KIRREL3: variants seen among roughly 807,000 people sequenced by gnomAD.
KIRREL3 encodes kirre like nephrin family adhesion molecule 3.
KIRREL3 carries 36 observed loss-of-function variants against 89.7 expected under a neutral mutation model. The ratio of observed to expected loss-of-function variants is 0.40; its 90% CI spans 0.31 to 0.53. The LOEUF (loss-of-function observed/expected upper bound fraction) is 0.53. Among genes scored for constraint, KIRREL3 ranks in the 20% least tolerant of loss-of-function variants. The pLI is 0.49. For missense variants in KIRREL3, 864 were observed against 1,056.6 expected, an observed-to-expected ratio of 0.82 and a Z score of 2.53; for synonymous variants, 445 against 441.4, an observed-to-expected ratio of 1.01 and a Z score of -0.10.
In KIRREL3 at chr11:126,651,249, G is replaced by A. The variant is rs562109116; in HGVS notation, c.56-88337C>T. Among the ~76,000 whole-genome samples the A allele has an allele frequency of 6.6e-6, 1 of 152,338 alleles. No homozygotes were observed. Among genetic ancestry groups the A allele is most frequent in the African/African-American group, 2.4e-5 (1 of 41,580 alleles). On this transcript the variant is annotated intron_variant, in intron 1 of 16. Coordinates refer to ENST00000525144, the MANE Select transcript of KIRREL3 (RefSeq NM_032531.4). The surrounding 1 kb of genome is among the most constrained non-coding windows in gnomAD (Gnocchi z 4.6). ...CAGCTAGACTAAGAAAGTCTTTTGG[G>A]AATTGGTGGGATGGTGCACAGTTTG... is the stretch of plus-strand genomic sequence containing the variant.
At chr11:126,880,738 G>A (rs1476390239) in intron 1 of KIRREL3, among the ~76,000 whole-genome samples, 1 of 150,882 alleles carries the variant, frequency 6.6e-6, no homozygotes, top group Non-Finnish European at 1.5e-5. Context: ...TAAAATCTAA[G>A]TATATTTATG....
intron 1 of KIRREL3, among the ~76,000 whole-genome samples, chr11:126,730,376 C>A (rs1403126699): frequency 6.6e-6 from 1 of 152,250 alleles, no homozygotes; most frequent in Non-Finnish European, 1.5e-5. Context: ...GGCCTCCACC[C>A]TCTCCTCACC....
intron 2 of KIRREL3, among the ~76,000 whole-genome samples, chr11:126,546,866 A>G (rs1425253463): frequency 6.6e-6 from 1 of 152,220 alleles, no homozygotes. Flanking sequence ...GGCTAGCATC[A>G]TGAGTATACC....
chr11:126,632,621 T>A (rs2134889257), intron 1 of KIRREL3, among the ~76,000 whole-genome samples: 1 of 95,342 alleles, frequency 1.0e-5, no homozygotes, highest in East Asian at 3.7e-4. Flanking sequence ...TTCCCCTCTC[T>A]CTACTCTCAG....
intron 7 of KIRREL3, among the ~76,000 whole-genome samples, chr11:126,450,850 A>T (rs1197184809): frequency 2.6e-5 from 3 of 116,020 alleles, no homozygotes; most frequent in African/African-American, 1.0e-4. Flanking sequence ...TAGATGTGTG[A>T]GCATGTGCAC....
intron 1 of KIRREL3, among the ~76,000 whole-genome samples, chr11:126,728,998 C>G (rs1948504648): frequency 6.6e-6 from 1 of 152,170 alleles, no homozygotes; most frequent in South Asian, 2.1e-4. Context: ...GCTGAGGAGA[C>G]CTTGAGGAGG....
Position 126,723,980 on chromosome 11 carries a change from C to G in KIRREL3, c.56-161068G>C, listed in dbSNP as rs545197075. Reference sequence around the variant, plus strand: ...AATGATCTGATTGCTTTCATAAGCTCCATGATGATTAAAAGAAGTGTAGGC... The same window carrying G: ...AATGATCTGATTGCTTTCATAAGCTGCATGATGATTAAAAGAAGTGTAGGC... On this transcript the variant is annotated intron_variant, in intron 1 of 16. Coordinates refer to ENST00000525144, the MANE Select transcript of KIRREL3 (RefSeq NM_032531.4). The surrounding 1 kb of genome is among the most constrained non-coding windows in gnomAD (Gnocchi z 4.0). Among the ~76,000 whole-genome samples the G allele has an allele frequency of 7.2e-5, 11 of 152,254 alleles. No homozygotes were observed. Among genetic ancestry groups the G allele is most frequent in the African/African-American group, 2.4e-4 (10 of 41,544 alleles).
intron 1 of KIRREL3, among the ~76,000 whole-genome samples, chr11:126,662,366 T>C (rs1309438289): frequency 6.6e-6 from 1 of 152,220 alleles, no homozygotes; most frequent in Non-Finnish European, 1.5e-5. Flanking sequence ...AGCCATGCAC[T>C]GGTAATGTTA....
At position 126,876,684 on chromosome 11, in the gene KIRREL3, C is replaced by T. The variant is rs1945299527; in HGVS notation, c.55+123771G>A. ...TTCCAAGTAGCTGGGATTACAGGCA[C>T]CTGCCACCATGCCCAGCTAATTTTT... is the stretch of plus-strand genomic sequence containing the variant. On this transcript the variant is annotated intron_variant, in intron 1 of 16. Coordinates refer to ENST00000525144, the MANE Select transcript of KIRREL3 (RefSeq NM_032531.4). The surrounding 1 kb of genome is among the most constrained non-coding windows in gnomAD (Gnocchi z 4.1). Among the ~76,000 whole-genome samples, 2 of 151,998 alleles carry T rather than the reference C, an allele frequency of 1.3e-5. No homozygotes were observed. Among genetic ancestry groups the T allele is most frequent in the South Asian group, 2.1e-4 (1 of 4,806 alleles).
rs1183212732 is a variant in KIRREL3, at chr11:126,769,670, G to T, written c.56-206758C>A. On this transcript the variant is annotated intron_variant, in intron 1 of 16. Transcript: ENST00000525144. The surrounding 1 kb of genome is among the most constrained non-coding windows in gnomAD (Gnocchi z 4.3). Reference sequence around the variant, plus strand: ...TTCTGAATATCCTGCACAATGCTAGGCCCTGTGAAGGACAAGCAAGCAGAC... The same window carrying T: ...TTCTGAATATCCTGCACAATGCTAGTCCCTGTGAAGGACAAGCAAGCAGAC... Among the ~76,000 whole-genome samples, 1 of 152,084 alleles carries T rather than the reference G, an allele frequency of 6.6e-6. No homozygotes were observed. Among genetic ancestry groups the T allele is most frequent in the African/African-American group, 2.4e-5 (1 of 41,396 alleles).
Position 126,496,771 on chromosome 11 carries a change from G to C in KIRREL3, c.434-23305C>G, listed in dbSNP as rs1310221089. On this transcript the variant is annotated intron_variant, in intron 4 of 16. Coordinates refer to ENST00000525144, the MANE Select transcript of KIRREL3 (RefSeq NM_032531.4). This position sits in a 1 kb window ranked among gnomAD's most constrained non-coding sequence, Gnocchi z 4.9. The stretch of plus-strand genomic sequence containing the variant: ...ACTCAAGGCCTGAGGCTGTAGGCAG[G>C]GAGTCAGGGCTGGGGAAGCTGGGCT... Among the ~76,000 whole-genome samples, 1 of 152,164 alleles carries C rather than the reference G, an allele frequency of 6.6e-6. No individual in the cohort carries two copies. Among genetic ancestry groups the C allele is most frequent in the African/African-American group, 2.4e-5 (1 of 41,436 alleles).
intron 1 of KIRREL3, among the ~76,000 whole-genome samples, chr11:126,730,666 G>A (rs1032101770): frequency 1.1e-4 from 16 of 152,208 alleles, no homozygotes; most frequent in African/African-American, 3.9e-4. Context: ...GGCGGCCCCT[G>A]CAACCAAGAA....
At chr11:126,479,188 T>C (rs1360889858) in intron 4 of KIRREL3, among the ~76,000 whole-genome samples, 4 of 152,106 alleles carry the variant, frequency 2.6e-5, no homozygotes, top group African/African-American at 7.2e-5. Context: ...GTTCCAGCAC[T>C]GACTACAGTG....
intron 8 of KIRREL3, among the ~76,000 whole-genome samples, chr11:126,448,508 C>T (rs1440197519): frequency 6.6e-6 from 1 of 152,140 alleles, no homozygotes; most frequent in Non-Finnish European, 1.5e-5. Context: ...CCCCGTCAAC[C>T]CTGCAATTCG....
At chr11:126,894,118 G>A (rs1387435866) in intron 1 of KIRREL3, among the ~76,000 whole-genome samples, 2 of 152,196 alleles carry the variant, frequency 1.3e-5, no homozygotes, top group African/African-American at 2.4e-5. Flanking sequence ...GGCCCCCCAG[G>A]GTGGTGTGGG....
chr11:126,488,791 C>T (rs1228891643), intron 4 of KIRREL3, among the ~76,000 whole-genome samples: 2 of 152,308 alleles, frequency 1.3e-5, no homozygotes, highest in East Asian at 3.9e-4. Context: ...CAGGGGATCC[C>T]CCCAAAATGA....
At chr11:126,482,007 C>T (rs1033419917) in intron 4 of KIRREL3, among the ~76,000 whole-genome samples, 1 of 152,198 alleles carries the variant, frequency 6.6e-6, no homozygotes, top group East Asian at 1.9e-4. Flanking sequence ...TGGAGTAAAT[C>T]GCTTTTCCCC....
intron 5 of KIRREL3, among the ~76,000 whole-genome samples, chr11:126,473,050 C>A (rs1345082827): frequency 4.3e-5 from 4 of 93,880 alleles, no homozygotes; most frequent in African/African-American, 1.6e-4. Flanking sequence ...ACCCCCCCAG[C>A]CCCTCTCCCC....
At chr11:126,633,782 C>A (rs1468463943) in intron 1 of KIRREL3, among the ~76,000 whole-genome samples, 2 of 152,178 alleles carry the variant, frequency 1.3e-5, no homozygotes, top group Admixed American at 6.5e-5. Context: ...CCTTTTCCAT[C>A]ATCCATCAGT....
Sources: allele counts gnomAD v4.1 joint callset (sites outside exome capture counted in the v4.1 genomes callset), GRCh38; gene constraint gnomAD v4.1.1; non-coding constraint Gnocchi (gnomAD v3.1); transcripts MANE v1.5; gene names NCBI Gene and HGNC (gene_info 2026-07-23, HGNC 2026-07-21).